Variants in MCF2L observed in about 807,000 individuals in gnomAD.
MCF2L encodes the protein guanine nucleotide exchange factor DBS.
In MCF2L, 97 loss-of-function variants were observed where a neutral mutation model predicts 153.4. The ratio of observed to expected loss-of-function variants is 0.63; its 90% confidence interval spans 0.54 to 0.75. The LOEUF is 0.75. MCF2L is among the 30% of genes least tolerant of loss of function. The pLI, the probability that MCF2L is intolerant of heterozygous loss-of-function variation, is 0.00. For missense variants in MCF2L, 1,347 were observed against 1,495.2 expected, an observed-to-expected ratio of 0.90 and a Z score of 1.64; for synonymous variants, 659 against 632.2, an observed-to-expected ratio of 1.04 and a Z score of -0.64.
chr13:113,097,797 A>T lies in MCF2L; in HGVS notation c.*938A>T, dbSNP rs566874894. On this transcript the variant is annotated 3_prime_UTR_variant, in exon 30 of 30. Coordinates refer to ENST00000535094, the MANE Select transcript of MCF2L (RefSeq NM_001112732.3). ...CAGTGCTGCCGACCATAGCTCAGAGAGCCCTGCCCCTGCCTCACTGCACTG... is the reference window on the plus strand; with the variant it reads ...CAGTGCTGCCGACCATAGCTCAGAGTGCCCTGCCCCTGCCTCACTGCACTG... The T allele has an allele frequency of 4.6e-5, 7 of 152,192 alleles. No homozygotes were observed. The East Asian group carries it at 1.2e-3, about 25-fold the overall frequency. 9.4% of individuals were successfully genotyped at this position (152,192 alleles called of 1,614,324 possible).
At chr13:112,989,054 A>T (rs1194410384) in intron 1 of MCF2L, among the ~76,000 whole-genome samples, 8 of 79,838 alleles carry the variant, frequency 1.0e-4, no homozygotes, top group African/African-American at 3.9e-4. Flanking sequence ...CCTGAGCAGG[A>T]CATGGAGCTA....
rs1594938071 is a variant in MCF2L, at chr13:113,074,651, C to T, written c.1116+88C>T. 2 of 1,563,562 alleles carry T rather than the reference C, an allele frequency of 1.3e-6. No homozygotes were observed. The highest frequency in any genetic ancestry group is 4.6e-5 in the East Asian group (2 of 43,738). On this transcript the variant is annotated intron_variant, in intron 10 of 29. Transcript: ENST00000535094. This position sits in a 1 kb window ranked among gnomAD's most constrained non-coding sequence, Gnocchi z 4.2. Reference sequence around the variant, plus strand: ...GGAAGGCGCAGGAATGGGCCTCCCGCCTACGGAGAACGGACCCCACAGCCC... The same window carrying T: ...GGAAGGCGCAGGAATGGGCCTCCCGTCTACGGAGAACGGACCCCACAGCCC...
Position 113,070,366 on chromosome 13 carries a change from C to T in MCF2L, c.996+193C>T, listed in dbSNP as rs2032777897. On this transcript the variant is annotated intron_variant, in intron 9 of 29. Transcript: ENST00000535094. This position sits in a 1 kb window ranked among gnomAD's most constrained non-coding sequence, Gnocchi z 5.6. The stretch of plus-strand genomic sequence containing the variant: ...GAGCCTTGAAATGCACGATTGATGA[C>T]TGCGTCATTGTATAGAAAGGTGATT... 1 of 447,314 alleles carries T rather than the reference C, an allele frequency of 2.2e-6. No individual in the cohort carries two copies. The highest frequency in any genetic ancestry group is 4.4e-5 in the East Asian group (1 of 22,948). 27.7% of individuals were successfully genotyped at this position (447,314 alleles called of 1,614,324 possible). A position where few individuals can be genotyped will look rare whatever the true frequency, so the allele number is the denominator to read the frequency against.
intron 1 of MCF2L, among the ~76,000 whole-genome samples, chr13:112,988,682 AG>A (rs2082753291): frequency 6.7e-6 from 1 of 148,388 alleles, no homozygotes. Flanking sequence ...CTCCCTGAGC[AG>A]GGGATGGAGC....
At chr13:112,899,824 T>C (rs1218484934) in intron 1 of MCF2L, among the ~76,000 whole-genome samples, 1 of 152,192 alleles carries the variant, frequency 6.6e-6, no homozygotes, top group African/African-American at 2.4e-5. Flanking sequence ...GCGCGTGCCA[T>C]CTGCAGCCTT....
chr13:113,076,507 C>T (rs1185506253), intron 12 of MCF2L, among the ~76,000 whole-genome samples: 1 of 152,188 alleles, frequency 6.6e-6, no homozygotes, highest in African/African-American at 2.4e-5. Context: ...TCAGGTGATC[C>T]ACCCAGCTCA....
At chr13:112,910,256 G>C (rs981317042) in intron 2 of MCF2L, 11 of 152,142 alleles carry the variant, frequency 7.2e-5, no homozygotes, top group Non-Finnish European at 8.8e-5. Flanking sequence ...CGATATACTG[G>C]AAAACAACTG....
Position 113,046,539 on chromosome 13 carries a change from A to G in MCF2L, c.369+1178A>G, listed in dbSNP as rs985714313. ...TGGCTGGTGCGCCAAGGTTTGAGGT[A>G]TACTGAAAAAAGTCATTCCTTTCCC... On this transcript the variant is annotated intron_variant, in intron 4 of 29. Coordinates refer to ENST00000535094, the MANE Select transcript of MCF2L (RefSeq NM_001112732.3). The surrounding 1 kb of genome is among the most constrained non-coding windows in gnomAD (Gnocchi z 4.4). 3.0e-5 allele frequency: 16 copies of G among 533,016 alleles called. No homozygotes were observed. The highest frequency in any genetic ancestry group is 3.2e-4 in the Middle Eastern group (1 of 3,168). 33.0% of individuals were successfully genotyped at this position (533,016 alleles called of 1,614,324 possible). A position where few individuals can be genotyped will look rare whatever the true frequency, so the allele number is the denominator to read the frequency against.
At chr13:113,047,524 G>A (rs1441634112) in intron 4 of MCF2L, among the ~76,000 whole-genome samples, 4 of 152,236 alleles carry the variant, frequency 2.6e-5, no homozygotes, top group Non-Finnish European at 5.9e-5. Context: ...CAGGCACGTC[G>A]TCGTTTAAAC....
intron 24 of MCF2L, 34 bp downstream of exon 24, chr13:113,088,439 C>T: frequency 3.1e-6 from 5 of 1,611,818 alleles, no homozygotes; most frequent in Non-Finnish European, 4.2e-6. Context: ...TTTCCCGTAG[C>T]TTCCGCTCCA....
chr13:112,968,522 G>A (rs2081937072), upstream of MCF2L: 2 of 1,571,676 alleles, frequency 1.3e-6, no homozygotes, highest in Non-Finnish European at 1.7e-6. Context: ...TGGGTCCTGC[G>A]TCCTTGGGCA....
chr13:113,047,888 G>GCCCCGGCCCCTCTGCTGACA (rs2086927595), intron 4 of MCF2L, among the ~76,000 whole-genome samples: 1 of 151,900 alleles, frequency 6.6e-6, no homozygotes, highest in African/African-American at 2.4e-5. Flanking sequence ...CTCCGCTGAT[G>GCCCCGGCCCCTCTGCTGACA]CCTCGCTACG....
chr13:113,048,603 G>A (rs939737940), intron 4 of MCF2L, among the ~76,000 whole-genome samples: 16 of 152,096 alleles, frequency 1.1e-4, no homozygotes, highest in Non-Finnish European at 1.9e-4. Flanking sequence ...CACCACGCCC[G>A]GCTAATTTTT....
At chr13:113,017,532 T>C (rs190578092) in intron 2 of MCF2L, among the ~76,000 whole-genome samples, 202 of 152,388 alleles carry the variant, frequency 1.3e-3, no homozygotes, top group African/African-American at 4.3e-3. Flanking sequence ...AACAAAGTCA[T>C]GTTTACAGGC....
intron 2 of MCF2L, among the ~76,000 whole-genome samples, chr13:112,944,118 C>T (rs1421614187): frequency 6.8e-6 from 1 of 146,174 alleles, no homozygotes; most frequent in Admixed American, 6.8e-5. Flanking sequence ...GGTCCCGGGC[C>T]GTGAGGGGAG....
In MCF2L at chr13:112,900,105, C is replaced by T. The variant is rs116163959; in HGVS notation, c.-4-2094C>T. On this transcript the variant is annotated intron_variant, in intron 1 of 29. Coordinates refer to the MCF2L transcript ENST00000375608. The stretch of plus-strand genomic sequence containing the variant: ...TTGGAGGTTTCAGATCACGATCAGC[C>T]AGCTCATGTTTGAAATTCTCTGAGG... Among the ~76,000 whole-genome samples, 866 of 152,294 alleles carry T rather than the reference C, an allele frequency of 5.7e-3. 10 individuals carry two copies. The highest frequency in any genetic ancestry group is 0.02 in the African/African-American group (835 of 41,570).
chr13:112,926,157 G>A (rs12430644), intron 2 of MCF2L, among the ~76,000 whole-genome samples: 26,871 of 150,760 alleles, frequency 0.18, 2,642 homozygotes, highest in African/African-American at 0.25. Context: ...AGCGGAGTGC[G>A]GTACGGCCTG....
At position 113,078,873 on chromosome 13, in the gene MCF2L, C is replaced by T. The variant is rs770770233; in HGVS notation, c.1808+134C>T. 4 of 851,756 alleles carry T rather than the reference C, an allele frequency of 4.7e-6. No individual in the cohort carries two copies. In the Admixed American group the frequency reaches 9.5e-5, roughly 20 times the overall value. The allele number at this position is 851,756 out of a possible 1,614,324, so 52.8% of individuals were successfully genotyped here. A position where few individuals can be genotyped will look rare whatever the true frequency, so the allele number is the denominator to read the frequency against. Reference sequence around the variant, plus strand: ...GAAGTCATTGTGGTTCTTACTTTTGCACCAACCGATACCCAGAGGGCCTGC... The same window carrying T: ...GAAGTCATTGTGGTTCTTACTTTTGTACCAACCGATACCCAGAGGGCCTGC... On this transcript the variant is annotated intron_variant, in intron 15 of 29. Transcript: ENST00000535094.
At chr13:113,082,659 C>T (rs1703900695) in intron 17 of MCF2L, 117 bp downstream of exon 17, 1 of 743,832 alleles carries the variant, frequency 1.3e-6, no homozygotes, top group Non-Finnish European at 2.3e-6. Flanking sequence ...GGGAGGGGCG[C>T]CCAAGGGGTG....
Sources: allele counts gnomAD v4.1 joint callset (sites outside exome capture counted in the v4.1 genomes callset), GRCh38; gene constraint gnomAD v4.1.1; non-coding constraint Gnocchi (gnomAD v3.1); transcripts MANE v1.5; gene names NCBI Gene and HGNC (gene_info 2026-07-23, HGNC 2026-07-21).